SEC31B: variants seen among roughly 807,000 people sequenced by gnomAD.
The protein encoded by SEC31B is SEC31 homolog B, COPII component.
A neutral mutation model predicts 135.0 loss-of-function variants in SEC31B; 113 were observed. The ratio of observed to expected loss-of-function variants is 0.84; its 90% CI spans 0.72 to 0.98. The LOEUF (loss-of-function observed/expected upper bound fraction) is 0.98. Ranked by LOEUF, SEC31B falls within the 50% of genes least tolerant of loss-of-function variation. SEC31B has a pLI of 0.00. For synonymous variants in SEC31B, 508 were observed against 549.4 expected (o/e 0.92, Z 1.05); for missense variants, 1,296 against 1,421.1 (o/e 0.91, Z 1.42).
chr10:100,517,024 C>A (rs944678572), intron 1 of SEC31B, 27 bp from the exon 2 acceptor site: 2 of 1,124,402 alleles, frequency 1.8e-6, no homozygotes, highest in African/African-American at 1.5e-5. Context: ...GCAAACTTAA[C>A]AGCCAGATCC....
chr10:100,499,328 A>G lies in SEC31B; in HGVS notation c.1486-70T>C, dbSNP rs946722536. The G allele has an allele frequency of 5.5e-6, 7 of 1,282,770 alleles. No individual in the cohort carries two copies. In the African/African-American group the frequency reaches 1.0e-4, roughly 19 times the overall value. The allele number at this position is 1,282,770 out of a possible 1,614,324, so 79.5% of individuals were successfully genotyped here. A position where few individuals can be genotyped will look rare whatever the true frequency, so the allele number is the denominator to read the frequency against. On this transcript the variant is annotated intron_variant, in intron 12 of 25. Transcript: ENST00000370345. Reference sequence around the variant, plus strand: ...CAAATAAGCATTATCCTCTTTTCCTATCTCCATACCCCACCAACTGTACTC... The same window carrying G: ...CAAATAAGCATTATCCTCTTTTCCTGTCTCCATACCCCACCAACTGTACTC...
intron 3 of SEC31B, among the ~76,000 whole-genome samples, chr10:100,515,329 A>G (rs929046458): frequency 1.3e-5 from 2 of 152,170 alleles, no homozygotes; most frequent in South Asian, 2.1e-4. Flanking sequence ...ACATGTATAC[A>G]TTTATATTGA....
At position 100,498,006 on chromosome 10, in the gene SEC31B, TCTC is replaced by T; in HGVS notation, c.1863+20_1863+22del. 4 of 1,613,440 alleles carry T rather than the reference TCTC, an allele frequency of 2.5e-6. No individual in the cohort carries two copies. Among genetic ancestry groups the T allele is most frequent in the African/African-American group, 1.3e-5 (1 of 74,990 alleles). ...AGGTCCAAGTAATCCCCTCCCTTCT[TCTC>T]CTGCATGATGGGCAGTTACCGAGGA... On this transcript the variant is annotated intron_variant, in intron 15 of 25. Coordinates refer to ENST00000370345, the MANE Select transcript of SEC31B (RefSeq NM_015490.4).
chr10:100,515,271 G>A (rs766338963), intron 3 of SEC31B, among the ~76,000 whole-genome samples: 3 of 152,156 alleles, frequency 2.0e-5, no homozygotes, highest in Non-Finnish European at 2.9e-5. Flanking sequence ...CAGCCTGGGC[G>A]ACAGAGTAAG....
intron 25 of SEC31B, 30 bp downstream of exon 25, chr10:100,487,997 G>C: frequency 1.9e-6 from 3 of 1,603,234 alleles, no homozygotes; most frequent in Non-Finnish European, 2.6e-6. Context: ...AAGTGTAGGA[G>C]GCAGTGGGAG....
rs1476755079 is a variant in SEC31B, at chr10:100,509,514, A to G, written c.204-3T>C. 1.2e-6 allele frequency: 2 copies of G among 1,605,286 alleles called. No homozygotes were observed. The highest frequency in any genetic ancestry group is 2.2e-5 in the East Asian group (1 of 44,688). ...TCCCCCAGACCAGCTTGTGAAACCTATAAAGAGGAGGAACTGGCATCAGTA... is the reference window on the plus strand; with the variant it reads ...TCCCCCAGACCAGCTTGTGAAACCTGTAAAGAGGAGGAACTGGCATCAGTA... On this transcript the variant is annotated splice_polypyrimidine_tract_variant and splice_region_variant and intron_variant, in intron 3 of 25. Coordinates refer to ENST00000370345, the MANE Select transcript of SEC31B (RefSeq NM_015490.4).
At chr10:100,511,452 A>T (rs1851735565) in intron 3 of SEC31B, among the ~76,000 whole-genome samples, 1 of 152,170 alleles carries the variant, frequency 6.6e-6, no homozygotes, top group African/African-American at 2.4e-5. Context: ...TTGGATTTTT[A>T]AAAAATAAGA....
intron 11 of SEC31B, chr10:100,500,277 C>T (rs1358698618): frequency 2.2e-6 from 1 of 446,910 alleles, no homozygotes; most frequent in East Asian, 7.0e-5. Context: ...AGACTGCTGC[C>T]AAGTGTAGCC....
rs1295143710 is a variant in SEC31B at position 100,507,987 on chromosome 10, G to A, written c.560C>T (p.Ala187Val). Reference sequence around the variant, plus strand: ...CACAACTGCCTTGCCACTGGGGTGAGCAGAAGACAGAATGTGTTGGGCTTG... The same window carrying A: ...CACAACTGCCTTGCCACTGGGGTGAACAGAAGACAGAATGTGTTGGGCTTG... ...NRQAQHILSS[A>V]HPSGKAVVWD... is the part of the protein sequence containing the mutation. Residue 187 changes from alanine (A) to valine (V), a missense_variant, in exon 6 of 26, where the codon GCT (alanine) becomes GTT (valine). Physicochemically the swap from Ala to Val is moderately conservative, Grantham distance 64 (BLOSUM62 0). Transcript: ENST00000370345. 2 of 1,614,086 alleles carry A rather than the reference G, an allele frequency of 1.2e-6. No homozygotes were observed. The highest frequency in any genetic ancestry group is 1.7e-6 in the Non-Finnish European group (2 of 1,180,028).
intron 11 of SEC31B, among the ~76,000 whole-genome samples, chr10:100,500,871 A>T (rs952889115): frequency 1.3e-5 from 2 of 151,894 alleles, no homozygotes; most frequent in Non-Finnish European, 1.5e-5. Context: ...ACCACACCCA[A>T]CCAGGAACCA....
rs1355822073 is a variant in SEC31B, at chr10:100,495,546, G to A, written c.2311C>T (p.Pro771Ser). The change falls in exon 19 of 26, where the codon CCA (proline) becomes TCA (serine). Residue 771 changes from proline to serine, a missense_variant and splice_region_variant. Pro to Ser is a moderately conservative substitution (Grantham distance 74). Coordinates refer to ENST00000370345, the MANE Select transcript of SEC31B (RefSeq NM_015490.4). The stretch of plus-strand genomic sequence containing the variant: ...CGATCTCTTAGCTGCTGAACTGGTG[G>A]CTATAAGTTTTAATGAGGAAGAGCT... ...MSFLPRDCAQ[P>S]PVQQLRDRLF... The A allele has an allele frequency of 1.1e-5, 18 of 1,611,770 alleles. No homozygotes were observed. Among genetic ancestry groups the A allele is most frequent in the Non-Finnish European group, 1.5e-5 (18 of 1,179,136 alleles).
At chr10:100,519,282 T>C (rs947558961) in intron 1 of SEC31B, among the ~76,000 whole-genome samples, 1 of 152,230 alleles carries the variant, frequency 6.6e-6, no homozygotes, top group Non-Finnish European at 1.5e-5. Context: ...TGGGGTCAGA[T>C]TGGCCATGGG....
chr10:100,497,965 G>A (rs1298558459), intron 15 of SEC31B, 64 bp downstream of exon 15: 1 of 1,592,310 alleles, frequency 6.3e-7, no homozygotes, highest in Admixed American at 1.7e-5. Context: ...CCCAAGGTGT[G>A]GGTATCCACC....
At chr10:100,501,638 C>G (rs574714483) in intron 11 of SEC31B, 1 of 152,606 alleles carries the variant, frequency 6.6e-6, no homozygotes, top group African/African-American at 2.4e-5. Flanking sequence ...CACTGACTGA[C>G]CAGTCAGCTA....
chr10:100,507,000 C>T (rs1050305143), intron 7 of SEC31B, among the ~76,000 whole-genome samples: 136 of 152,132 alleles, frequency 8.9e-4, no homozygotes, highest in African/African-American at 3.2e-3. Context: ...ACAAAGGCAC[C>T]ATGGCCCTTT....
rs1253868909 is a variant in SEC31B at position 100,509,101 on chromosome 10, C to T, written c.401G>A (p.Gly134Asp). The T allele has an allele frequency of 1.2e-6, 2 of 1,613,586 alleles. No homozygotes were observed. The highest frequency in any genetic ancestry group is 2.7e-5 in the African/African-American group (2 of 74,860). The change falls in exon 5 of 26, where the codon GGC becomes GAC. Residue 134 changes from glycine to aspartate, a missense_variant and splice_region_variant. Transcript: ENST00000370345. ...GCTGGCCCCTGAAGCCAGGAGGTTG[C>T]CCTGTATGAATAAAAAGTGTTTGGA... ...VRALDLNPFQ[G>D]NLLASGASDS... is the part of the protein sequence containing the mutation.
At position 100,489,902 on chromosome 10, in the gene SEC31B, A is replaced by G. The variant is rs1851266638; in HGVS notation, c.2965+106T>C. ...CCATCTACACTCCCAGCCACCCTCCACCCAACAGGGCCCTAGCCCTCTGAC... is the reference window on the plus strand; with the variant it reads ...CCATCTACACTCCCAGCCACCCTCCGCCCAACAGGGCCCTAGCCCTCTGAC... On this transcript the variant is annotated intron_variant, in intron 21 of 25. Coordinates refer to ENST00000370345, the MANE Select transcript of SEC31B (RefSeq NM_015490.4). The G allele has an allele frequency of 9.1e-6, 14 of 1,541,372 alleles. No homozygotes were observed. In the South Asian group the frequency reaches 1.8e-4, roughly 20 times the overall value.
At chr10:100,501,564 C>T (rs2133684999) in intron 11 of SEC31B, 1 of 152,320 alleles carries the variant, frequency 6.6e-6, no homozygotes, top group Middle Eastern at 3.4e-3. Context: ...TCTCAGATGC[C>T]CTGGTACAGG....
intron 19 of SEC31B, among the ~76,000 whole-genome samples, chr10:100,491,914 G>C (rs557739302): frequency 6.6e-6 from 1 of 152,236 alleles, no homozygotes; most frequent in Non-Finnish European, 1.5e-5. Context: ...TGCCATGTGA[G>C]AACACAGCAG....
Sources: gnomAD v4.1 joint callset for allele counts (sites outside exome capture counted in the v4.1 genomes callset) on GRCh38, gnomAD v4.1.1 for gene constraint, MANE v1.5 for transcripts, NCBI Gene and HGNC (gene_info 2026-07-23, HGNC 2026-07-21) for gene names.